Variants in NDUFS4 observed in about 807,000 individuals in gnomAD.
The protein encoded by NDUFS4 is NADH dehydrogenase [ubiquinone] iron-sulfur protein 4, mitochondrial.
Under a neutral mutation model 24.3 loss-of-function variants are expected in NDUFS4, and 28 were observed. The ratio of observed to expected loss-of-function variants is 1.15; its 90% CI spans 0.85 to 1.58. The LOEUF is 1.58. NDUFS4 is among the 40% of genes most tolerant of loss of function. The probability of loss-of-function intolerance (pLI) is 0.00; values close to 1 mark genes in which losing one functional copy is unlikely to be tolerated. For missense variants in NDUFS4, 223 were observed against 207.9 expected, an observed-to-expected ratio of 1.07 and a Z score of -0.45; for synonymous variants, 93 against 69.7, an observed-to-expected ratio of 1.34 and a Z score of -1.67.
intron 1 of NDUFS4, among the ~76,000 whole-genome samples, chr5:53,601,165 G>A (rs551407398): frequency 4.6e-5 from 7 of 151,972 alleles, no homozygotes; most frequent in East Asian, 3.9e-4. Flanking sequence ...TGCTACGCCC[G>A]GCTAATTTTT....
At chr5:53,591,175 C>A (rs1749944847) in intron 1 of NDUFS4, among the ~76,000 whole-genome samples, 1 of 152,180 alleles carries the variant, frequency 6.6e-6, no homozygotes, top group African/African-American at 2.4e-5. Context: ...ACACATTCAT[C>A]TGCCAGTGGA....
chr5:53,680,892 A>G (rs192373234), intron 4 of NDUFS4, among the ~76,000 whole-genome samples: 1 of 152,242 alleles, frequency 6.6e-6, no homozygotes, highest in Admixed American at 6.5e-5. Flanking sequence ...ACTAGAACAT[A>G]CTACCTAGTA....
intron 2 of NDUFS4, among the ~76,000 whole-genome samples, chr5:53,617,743 A>G (rs1280674152): frequency 2.0e-5 from 3 of 152,190 alleles, no homozygotes; most frequent in African/African-American, 4.8e-5. Flanking sequence ...AGAAACATTT[A>G]ATAACTGAAA....
chr5:53,658,311 G>A (rs1044657793), intron 3 of NDUFS4, among the ~76,000 whole-genome samples: 1 of 151,888 alleles, frequency 6.6e-6, no homozygotes, highest in African/African-American at 2.4e-5. Flanking sequence ...AATTATTAAA[G>A]ACTAACAATG....
intron 1 of NDUFS4, among the ~76,000 whole-genome samples, chr5:53,575,252 T>G (rs908352985): frequency 2.0e-5 from 3 of 152,130 alleles, no homozygotes; most frequent in African/African-American, 7.2e-5. Flanking sequence ...TCACTGCTAG[T>G]TCAGTGGTCC....
At chr5:53,603,273 C>A (rs1464723958) in intron 1 of NDUFS4, among the ~76,000 whole-genome samples, 179 bp from the exon 2 acceptor site, 2 of 151,670 alleles carry the variant, frequency 1.3e-5, no homozygotes, top group African/African-American at 4.8e-5. Flanking sequence ...GCCAAAAACT[C>A]AGCAGACAGA....
chr5:53,618,006 G>C (rs1357010948), intron 2 of NDUFS4, among the ~76,000 whole-genome samples: 1 of 152,196 alleles, frequency 6.6e-6, no homozygotes, highest in South Asian at 2.1e-4. Context: ...CCTGGATGCA[G>C]TGGCTCACAA....
At chr5:53,606,523 C>T (rs1164992944) in intron 2 of NDUFS4, among the ~76,000 whole-genome samples, 18 of 152,128 alleles carry the variant, frequency 1.2e-4, no homozygotes, top group African/African-American at 7.2e-5. Context: ...CCCGCCACCA[C>T]GCCTGGCTAG....
At chr5:53,605,369 A>C (rs1750466394) in intron 2 of NDUFS4, among the ~76,000 whole-genome samples, 1 of 152,144 alleles carries the variant, frequency 6.6e-6, no homozygotes, top group South Asian at 2.1e-4. Context: ...CCTTTTCTAT[A>C]AAGTTTTCAA....
intron 1 of NDUFS4, among the ~76,000 whole-genome samples, chr5:53,572,142 G>GA (rs1277405913): frequency 6.6e-6 from 1 of 152,178 alleles, no homozygotes; most frequent in Non-Finnish European, 1.5e-5. Flanking sequence ...GGAGAAATAT[G>GA]ATAGAACAAA....
intron 3 of NDUFS4, among the ~76,000 whole-genome samples, chr5:53,649,660 G>T (rs1432862810): frequency 6.6e-6 from 1 of 152,048 alleles, no homozygotes; most frequent in Non-Finnish European, 1.5e-5. Flanking sequence ...GTTTCTTTTT[G>T]ATAAAATGAG....
intron 3 of NDUFS4, 90 bp downstream of exon 3, chr5:53,646,495 A>C (rs1751869285): frequency 7.4e-7 from 1 of 1,351,896 alleles, no homozygotes; most frequent in Admixed American, 1.7e-5. Flanking sequence ...TCTTTTATGT[A>C]CAATATGCTT....
intron 1 of NDUFS4, among the ~76,000 whole-genome samples, chr5:53,563,010 A>G (rs568290871): frequency 6.6e-6 from 1 of 152,254 alleles, no homozygotes; most frequent in Non-Finnish European, 1.5e-5. Flanking sequence ...CGGGCAGATC[A>G]CAAGGTCAGG....
At chr5:53,654,054 C>A (rs1752094731) in intron 3 of NDUFS4, among the ~76,000 whole-genome samples, 1 of 151,994 alleles carries the variant, frequency 6.6e-6, no homozygotes, top group African/African-American at 2.4e-5. Context: ...GTTGCATTGG[C>A]TAGAATTTGC....
At chr5:53,564,887 A>G (rs918625) in intron 1 of NDUFS4, among the ~76,000 whole-genome samples, 39,617 of 152,112 alleles carry the variant, frequency 0.26, 6,902 homozygotes, top group African/African-American at 0.48. Flanking sequence ...CCCTAGATAA[A>G]TGGTAATTTT....
intron 2 of NDUFS4, among the ~76,000 whole-genome samples, chr5:53,608,179 G>T (rs1750586510): frequency 6.6e-6 from 1 of 152,174 alleles, no homozygotes; most frequent in African/African-American, 2.4e-5. Flanking sequence ...TCTGCTAAGT[G>T]TGCATTAGCA....
intron 4 of NDUFS4, among the ~76,000 whole-genome samples, chr5:53,673,967 G>C (rs1321940581): frequency 6.6e-6 from 1 of 152,128 alleles, no homozygotes; most frequent in Non-Finnish European, 1.5e-5. Flanking sequence ...AGTAGCAAGA[G>C]TTTATAAATT....
intron 2 of NDUFS4, among the ~76,000 whole-genome samples, chr5:53,614,521 T>C (rs1387362906): frequency 6.6e-6 from 1 of 151,994 alleles, no homozygotes; most frequent in Non-Finnish European, 1.5e-5. Context: ...TTGTTCCTAC[T>C]TGGAATACTT....
At chr5:53,595,334 A>G (rs905148427) in intron 1 of NDUFS4, among the ~76,000 whole-genome samples, 2 of 152,190 alleles carry the variant, frequency 1.3e-5, no homozygotes, top group African/African-American at 4.8e-5. Flanking sequence ...AATAATTGAC[A>G]TCTTTGTGGT....
Sources: gnomAD v4.1 joint callset for allele counts (sites outside exome capture counted in the v4.1 genomes callset) on GRCh38, gnomAD v4.1.1 for gene constraint, MANE v1.5 for transcripts, NCBI Gene and HGNC (gene_info 2026-07-23, HGNC 2026-07-21) for gene names.